Variants in LRRC4C observed in about 807,000 individuals in gnomAD.
LRRC4C encodes leucine-rich repeat-containing protein 4C.
LRRC4C carries 5 observed loss-of-function variants against 33.6 expected under a neutral mutation model. That is an observed-to-expected ratio of 0.15 (90% confidence interval 0.08 to 0.31). LRRC4C has a LOEUF of 0.31. LRRC4C is among the 10% of genes least tolerant of loss of function. LRRC4C has a pLI of 1.00. For synonymous variants in LRRC4C, 329 were observed against 302.0 expected (o/e 1.09, Z -0.93); for missense variants, 560 against 796.7 (o/e 0.70, Z 3.58).
chr11:40,468,188 G>C (rs1952748286), intron 3 of LRRC4C, among the ~76,000 whole-genome samples: 1 of 152,088 alleles, frequency 6.6e-6, no homozygotes, highest in Non-Finnish European at 1.5e-5. Context: ...GAACCAGTAG[G>C]ATATGTATAT....
intron 6 of LRRC4C, among the ~76,000 whole-genome samples, chr11:40,136,807 C>A (rs1477554286): frequency 1.3e-5 from 2 of 152,110 alleles, no homozygotes; most frequent in African/African-American, 2.4e-5. Context: ...CCTGTAGCAC[C>A]ATTACTTGAT....
intron 3 of LRRC4C, among the ~76,000 whole-genome samples, chr11:40,470,023 C>T (rs544058976): frequency 4.6e-5 from 7 of 152,132 alleles, no homozygotes; most frequent in Non-Finnish European, 7.4e-5. Flanking sequence ...GCACAGTGCT[C>T]GAGCTCTGCT....
intron 3 of LRRC4C, among the ~76,000 whole-genome samples, chr11:40,349,586 C>T (rs1037156388): frequency 6.6e-6 from 1 of 152,002 alleles, no homozygotes; most frequent in African/African-American, 2.4e-5. Context: ...AGCATATTTG[C>T]CCAGTAGTGG....
chr11:40,855,659 G>C (rs181736661), intron 2 of LRRC4C, among the ~76,000 whole-genome samples: 3 of 152,082 alleles, frequency 2.0e-5, no homozygotes, highest in Non-Finnish European at 4.4e-5. Context: ...AGAAAATGAC[G>C]TCAGGCTGTA....
Position 40,252,254 on chromosome 11 carries a change from C to T in LRRC4C, c.-175-10656G>A, listed in dbSNP as rs1002265760. Among the ~76,000 whole-genome samples, 29 of 151,884 alleles carry T rather than the reference C, an allele frequency of 1.9e-4. No homozygotes were observed. The South Asian group carries it at 2.5e-3, about 13-fold the overall frequency. ...ACACTCACCTAACTCACACACACCA[C>T]GAATACACATTTATACACATCTATA... On this transcript the variant is annotated intron_variant, in intron 4 of 6. Coordinates refer to ENST00000528697, the MANE Select transcript of LRRC4C (RefSeq NM_001258419.2).
chr11:40,566,757 A>C (rs1422327472), intron 3 of LRRC4C, among the ~76,000 whole-genome samples: 1 of 152,132 alleles, frequency 6.6e-6, no homozygotes, highest in East Asian at 1.9e-4. Flanking sequence ...ATAATTTTTA[A>C]ATATTGAAAG....
chr11:40,780,788 C>CT (rs11479844), intron 2 of LRRC4C, among the ~76,000 whole-genome samples: 2,442 of 143,896 alleles, frequency 0.017, 26 homozygotes, highest in Non-Finnish European at 0.02. Context: ...TGATAAGAGG[C>CT]TTTTTTTTTT....
At chr11:40,479,494 T>C (rs1023889882) in intron 3 of LRRC4C, among the ~76,000 whole-genome samples, 2 of 152,048 alleles carry the variant, frequency 1.3e-5, no homozygotes, top group African/African-American at 2.4e-5. Flanking sequence ...ACCGCTATGA[T>C]AGGAAGGGAC....
chr11:40,227,193 G>T (rs1288913262), intron 5 of LRRC4C, among the ~76,000 whole-genome samples: 2 of 152,204 alleles, frequency 1.3e-5, no homozygotes, highest in Non-Finnish European at 2.9e-5. Context: ...TAATTGTTAT[G>T]ATGGGAGTCT....
At chr11:40,412,235 TA>T (rs1468753470) in intron 3 of LRRC4C, among the ~76,000 whole-genome samples, 1 of 152,058 alleles carries the variant, frequency 6.6e-6, no homozygotes, top group African/African-American at 2.4e-5. Context: ...CAATGGTACA[TA>T]ATAAGCTTTA....
At chr11:40,666,679 C>T (rs1943828646) in intron 2 of LRRC4C, among the ~76,000 whole-genome samples, 1 of 151,988 alleles carries the variant, frequency 6.6e-6, no homozygotes, top group Non-Finnish European at 1.5e-5. Context: ...TAAATACATT[C>T]AACATATGCA....
intron 1 of LRRC4C, among the ~76,000 whole-genome samples, chr11:41,080,393 C>CCAGGGTG (rs1939484892): frequency 7.0e-6 from 1 of 143,376 alleles, no homozygotes; most frequent in South Asian, 2.2e-4. Context: ...CTCTTGTTGC[C>CCAGGGTG]CAGGGTGGAG....
intron 1 of LRRC4C, among the ~76,000 whole-genome samples, chr11:40,986,471 C>T (rs1214519060): frequency 6.6e-6 from 1 of 152,068 alleles, no homozygotes; most frequent in African/African-American, 2.4e-5. Flanking sequence ...TGGTGGGACA[C>T]ATCTGCAGTC....
chr11:40,838,484 C>T (rs982887850), intron 2 of LRRC4C, among the ~76,000 whole-genome samples: 1 of 152,118 alleles, frequency 6.6e-6, no homozygotes, highest in African/African-American at 2.4e-5. Flanking sequence ...GCAAATATTC[C>T]TAGTCTTCCC....
chr11:40,657,349 T>C (rs1368980865), intron 2 of LRRC4C, among the ~76,000 whole-genome samples: 1 of 152,184 alleles, frequency 6.6e-6, no homozygotes. Context: ...TAAATGTGAA[T>C]ATGTGCTACA....
At chr11:41,263,268 T>C (rs1949042219) in intron 1 of LRRC4C, among the ~76,000 whole-genome samples, 1 of 152,196 alleles carries the variant, frequency 6.6e-6, no homozygotes, top group Admixed American at 6.5e-5. Context: ...TGAAAAAGAA[T>C]TAACATCCGC....
intron 6 of LRRC4C, among the ~76,000 whole-genome samples, chr11:40,130,030 T>G (rs188803368): frequency 4.6e-5 from 7 of 152,228 alleles, no homozygotes; most frequent in African/African-American, 1.7e-4. Flanking sequence ...TCTTATTCAC[T>G]TTTTGATATT....
chr11:40,167,943 C>G (rs1362583121), intron 5 of LRRC4C, among the ~76,000 whole-genome samples: 1 of 152,116 alleles, frequency 6.6e-6, no homozygotes, highest in Non-Finnish European at 1.5e-5. Context: ...ACCGGGGAGG[C>G]TGAGGCAGGA....
chr11:41,018,138 AAAT>A (rs1338787237), intron 1 of LRRC4C, among the ~76,000 whole-genome samples: 2 of 152,290 alleles, frequency 1.3e-5, no homozygotes, highest in African/African-American at 2.4e-5. Flanking sequence ...GCAAATTTAA[AAAT>A]AATATTTTCT....
Sources: allele counts gnomAD v4.1 joint callset (sites outside exome capture counted in the v4.1 genomes callset), GRCh38; gene constraint gnomAD v4.1.1; transcripts MANE v1.5; gene names NCBI Gene and HGNC (gene_info 2026-07-23, HGNC 2026-07-21).